The following LRP6 variants were observed in gnomAD, a reference collection of about 807,000 sequenced individuals.
The protein encoded by LRP6 is low-density lipoprotein receptor-related protein 6.
In LRP6, 43 loss-of-function variants were observed where a neutral mutation model predicts 184.1. The ratio of observed to expected loss-of-function variants is 0.23; its 90% confidence interval spans 0.18 to 0.30. The LOEUF (loss-of-function observed/expected upper bound fraction) is 0.30. Among genes scored for constraint, LRP6 ranks in the 10% least tolerant of loss-of-function variants. The pLI is 1.00. For missense variants in LRP6, 1,571 were observed against 2,005.3 expected (o/e 0.78, Z 4.14); for synonymous variants, 719 against 684.9 (o/e 1.05, Z -0.78).
chr12:12,184,756 A>G (rs2136999630), intron 4 of LRP6, among the ~76,000 whole-genome samples: 1 of 152,344 alleles, frequency 6.6e-6, no homozygotes, highest in South Asian at 2.1e-4. Flanking sequence ...TATGTTGAAA[A>G]GTCATGCCTT....
At chr12:12,249,305 C>T (rs781553877) in intron 1 of LRP6, 3 of 1,135,248 alleles carry the variant, frequency 2.6e-6, no homozygotes, top group Non-Finnish European at 4.0e-6. Context: ...AGAGCCATAT[C>T]AGTGCTAGCA....
chr12:12,230,384 T>C (rs1423734457), intron 2 of LRP6, among the ~76,000 whole-genome samples: 3 of 152,168 alleles, frequency 2.0e-5, no homozygotes, highest in African/African-American at 7.2e-5. Context: ...TCAATCTGAA[T>C]TCGGCTTCCC....
chr12:12,121,554 C>G (rs930520494), intron 22 of LRP6, 134 bp from the exon 23 acceptor site: 22 of 802,832 alleles, frequency 2.7e-5, no homozygotes, highest in Admixed American at 1.3e-4. Context: ...TTACACAGAC[C>G]AAGAGGCAAT....
At chr12:12,206,755 G>A (rs1231147395) in intron 2 of LRP6, among the ~76,000 whole-genome samples, 1 of 151,482 alleles carries the variant, frequency 6.6e-6, no homozygotes, top group Non-Finnish European at 1.5e-5. Context: ...TTTTTAAAAT[G>A]AAAAAATAAT....
At chr12:12,209,278 G>A (rs958739313) in intron 2 of LRP6, among the ~76,000 whole-genome samples, 3 of 152,188 alleles carry the variant, frequency 2.0e-5, no homozygotes, top group Admixed American at 6.5e-5. Flanking sequence ...GTAACTCAGT[G>A]TCTAGTTTAT....
chr12:12,165,482 T>C (rs1011706983), intron 7 of LRP6, among the ~76,000 whole-genome samples, 187 bp from the exon 8 acceptor site: 2 of 152,234 alleles, frequency 1.3e-5, no homozygotes, highest in Non-Finnish European at 2.9e-5. Context: ...AAGCCTCTAT[T>C]TGACCACTTT....
At chr12:12,191,104 C>T (rs1196160659) in intron 3 of LRP6, among the ~76,000 whole-genome samples, 1 of 152,178 alleles carries the variant, frequency 6.6e-6, no homozygotes, top group Non-Finnish European at 1.5e-5. Flanking sequence ...GCTTAGTAGA[C>T]CAATCTGAGA....
intron 5 of LRP6, among the ~76,000 whole-genome samples, chr12:12,182,878 T>C (rs1863376969): frequency 1.3e-5 from 2 of 152,170 alleles, no homozygotes; most frequent in African/African-American, 4.8e-5. Flanking sequence ...ACACATGAAA[T>C]TCAAAACTGG....
At chr12:12,221,953 A>G (rs1421661169) in intron 2 of LRP6, among the ~76,000 whole-genome samples, 1 of 152,190 alleles carries the variant, frequency 6.6e-6, no homozygotes, top group Non-Finnish European at 1.5e-5. Context: ...GTTTTTCTGA[A>G]TTGATCTAGG....
intron 1 of LRP6, among the ~76,000 whole-genome samples, chr12:12,262,747 T>C (rs1865650343): frequency 6.6e-6 from 1 of 152,154 alleles, no homozygotes; most frequent in South Asian, 2.1e-4. Context: ...CCCGTTAGAT[T>C]AGGAAACACA....
Position 12,131,999 on chromosome 12 carries a change from G to T in LRP6, c.3792C>A (p.Ile1264=), listed in dbSNP as rs371177265. ...FTCFTGEIDC[I]PVAWRCDGFT... ...ACCCATCGCACCGCCAAGCCACAGG[G>T]ATACAGTCAATTTCCCCCGTGAAAC... The change falls in exon 18 of 23, where the codon ATC becomes ATA. Residue 1264 remains isoleucine, a synonymous_variant. Transcript: ENST00000261349. 254 of 1,614,014 alleles carry T rather than the reference G, an allele frequency of 1.6e-4. No individual in the cohort carries two copies. Among genetic ancestry groups the T allele is most frequent in the Non-Finnish European group, 2.1e-4 (253 of 1,180,036 alleles).
intron 3 of LRP6, among the ~76,000 whole-genome samples, chr12:12,201,678 T>C (rs1272491810): frequency 6.6e-6 from 1 of 152,202 alleles, no homozygotes; most frequent in Non-Finnish European, 1.5e-5. Flanking sequence ...CTGTAGGTTT[T>C]AGTTAAAAAC....
At chr12:12,158,545 G>A (rs1862656785) in intron 12 of LRP6, among the ~76,000 whole-genome samples, 1 of 152,006 alleles carries the variant, frequency 6.6e-6, no homozygotes, top group Admixed American at 6.5e-5. Context: ...GGCTGGTCTT[G>A]AACTCCTGAG....
rs56150307 is a variant in LRP6, at chr12:12,198,530, C to CTTTTTTTTTTTTTTTTTTTTT, written c.647+4652_647+4672dup. ...TATCATTTCATTTCTGAATTTTTCT[C>CTTTTTTTTTTTTTTTTTTTTT]TTTTTTTTTTTTTTTTTTTTTTGAG... On this transcript the variant is annotated intron_variant, in intron 3 of 22. Coordinates refer to ENST00000261349, the MANE Select transcript of LRP6 (RefSeq NM_002336.3). Among the ~76,000 whole-genome samples the CTTTTTTTTTTTTTTTTTTTTT allele has an allele frequency of 6.5e-5, 5 of 76,992 alleles. 1 individual carries two copies. Among genetic ancestry groups the CTTTTTTTTTTTTTTTTTTTTT allele is most frequent in the East Asian group, 4.1e-4 (1 of 2,456 alleles). 50.5% of individuals were successfully genotyped at this position (76,992 alleles called of 152,430 possible). A position where few individuals can be genotyped will look rare whatever the true frequency, so the allele number is the denominator to read the frequency against.
chr12:12,255,623 T>A (rs932005717), intron 1 of LRP6, among the ~76,000 whole-genome samples: 1 of 145,074 alleles, frequency 6.9e-6, no homozygotes, highest in Non-Finnish European at 1.5e-5. Flanking sequence ...CAGGCTGGAG[T>A]GCAGTGGTGC....
In LRP6 at chr12:12,266,883, G is replaced by A. The variant is rs1480712760; in HGVS notation, c.-148C>T. 7 of 731,312 alleles carry A rather than the reference G, an allele frequency of 9.6e-6. No homozygotes were observed. The highest frequency in any genetic ancestry group is 8.1e-5 in the East Asian group (3 of 36,878). 45.3% of individuals were successfully genotyped at this position (731,312 alleles called of 1,614,324 possible). On this transcript the variant is annotated 5_prime_UTR_variant, in exon 1 of 23. Coordinates refer to ENST00000261349, the MANE Select transcript of LRP6 (RefSeq NM_002336.3). Reference sequence around the variant, plus strand: ...GAGAAGAAAGAAAGGGGCACGTCAAGGTTCCGCGCGCGCCGCCGCCGCCCT... The same window carrying A: ...GAGAAGAAAGAAAGGGGCACGTCAAAGTTCCGCGCGCGCCGCCGCCGCCCT...
intron 4 of LRP6, among the ~76,000 whole-genome samples, chr12:12,185,524 T>C (rs1367641332): frequency 6.6e-6 from 1 of 152,234 alleles, no homozygotes; most frequent in African/African-American, 2.4e-5. Context: ...CATTTTTGGC[T>C]ATGTAATAAA....
At chr12:12,160,015 GGAAA>G (rs770764174) in intron 10 of LRP6, 51 bp from the exon 11 acceptor site, 2 of 1,334,348 alleles carry the variant, frequency 1.5e-6, no homozygotes, top group African/African-American at 3.0e-5. Flanking sequence ...ATTATCTGGG[GGAAA>G]GAGTCATATT....
chr12:12,131,099 T>C (rs544093967), intron 18 of LRP6, among the ~76,000 whole-genome samples: 3,746 of 59,120 alleles, frequency 0.063, 231 homozygotes, highest in African/African-American at 0.15. Context: ...TTCCTAACAT[T>C]TTTTTTTTTT....
Sources: gnomAD v4.1 joint callset for allele counts (sites outside exome capture counted in the v4.1 genomes callset) on GRCh38, gnomAD v4.1.1 for gene constraint, MANE v1.5 for transcripts, NCBI Gene and HGNC (gene_info 2026-07-23, HGNC 2026-07-21) for gene names.